The following ALMS1 variants were observed in gnomAD, a reference collection of about 807,000 sequenced individuals.
ALMS1 encodes the protein ALMS1 centrosome and basal body associated protein, also known as centrosome-associated protein ALMS1.
Under a neutral mutation model 352.2 loss-of-function variants are expected in ALMS1, and 271 were observed. The observed-to-expected ratio is 0.77, with a 90% confidence interval of 0.70 to 0.85. The LOEUF is 0.85. Among genes scored for constraint, ALMS1 ranks in the 40% least tolerant of loss-of-function variants. ALMS1 has a pLI of 0.00. For synonymous variants in ALMS1, 1,865 were observed against 1,761.2 expected (o/e 1.06, Z -1.48); for missense variants, 5,445 against 4,870.7 (o/e 1.12, Z -3.51).
rs1279158289 is a variant in ALMS1, at chr2:73,450,487, T to C, written c.3960T>C (p.Ala1320=). The change falls in exon 8 of 23, where the codon GCT becomes GCC. Residue 1320 remains alanine (A), a synonymous_variant. Transcript: ENST00000613296. ...AKNVSAVPGP[A]DQKTVIPILP... ...ATGTTTCAGCGGTTCCTGGACCAGC[T>C]GACCAGAAGACTGTGATACCAATTT... The C allele has an allele frequency of 6.2e-7, 1 of 1,613,496 alleles. No homozygotes were observed. Among genetic ancestry groups the C allele is most frequent in the South Asian group, 1.1e-5 (1 of 91,050 alleles).
At chr2:73,548,996 G>T (rs1674374996) in intron 12 of ALMS1, among the ~76,000 whole-genome samples, 1 of 152,170 alleles carries the variant, frequency 6.6e-6, no homozygotes. Context: ...GGCCCAGAAG[G>T]CTTGGTGTTT....
chr2:73,529,082 C>T (rs1477986748), intron 11 of ALMS1, among the ~76,000 whole-genome samples: 16 of 120,448 alleles, frequency 1.3e-4, no homozygotes, highest in African/African-American at 4.5e-4. Flanking sequence ...CTTGCTCTGT[C>T]GCTGAGGATG....
rs1347176614 is a variant in ALMS1 at position 73,448,152 on chromosome 2, T to A, written c.1625T>A (p.Leu542Ter). 3 of 1,614,038 alleles carry A rather than the reference T, an allele frequency of 1.9e-6. No individual in the cohort carries two copies. Among genetic ancestry groups the A allele is most frequent in the Non-Finnish European group, 2.5e-6 (3 of 1,179,934 alleles). Residue 542 changes from leucine (L) to a stop codon, truncating the protein, a stop_gained, in exon 8 of 23, where the codon TTA (leucine) becomes TAA (stop). Coordinates refer to ENST00000613296, the MANE Select transcript of ALMS1 (RefSeq NM_001378454.1). LOFTEE classifies it high-confidence loss of function. Reference protein sequence around the residue: ...QHTDTLNQKTLADTHLTEETL... With the variant: ...QHTDTLNQKT Reference sequence around the variant, plus strand: ...ACTGATACTCTCAACCAAAAGACATTAGCAGATACTCATCTAACTGAAGAG... The same window carrying A: ...ACTGATACTCTCAACCAAAAGACATAAGCAGATACTCATCTAACTGAAGAG...
In ALMS1 at chr2:73,426,462, A is replaced by G. The variant is rs777072028; in HGVS notation, c.1247A>G (p.Gln416Arg). Reference sequence around the variant, plus strand: ...GACTCCTATTTTGTAGAGGGCCTGCAGGGGAAGGTTGAGTCTGACGTCATT... The same window carrying G: ...GACTCCTATTTTGTAGAGGGCCTGCGGGGGAAGGTTGAGTCTGACGTCATT... ...QAETYLTKGL[Q>R]GKVESDVITL... The change falls in exon 6 of 23, where the codon CAG (glutamine) becomes CGG (arginine). Residue 416 changes from glutamine (Q) to arginine (R), a missense_variant. Coordinates refer to ENST00000613296, the MANE Select transcript of ALMS1 (RefSeq NM_001378454.1). 4.3e-6 allele frequency: 7 copies of G among 1,614,074 alleles called. No homozygotes were observed. Among genetic ancestry groups the G allele is most frequent in the Non-Finnish European group, 5.9e-6 (7 of 1,179,926 alleles).
rs1325739190 is a variant in ALMS1 at position 73,448,793 on chromosome 2, A to G, written c.2266A>G (p.Ile756Val). 1 of 1,614,074 alleles carries G rather than the reference A, an allele frequency of 6.2e-7. No homozygotes were observed. Among genetic ancestry groups the G allele is most frequent in the East Asian group, 2.2e-5 (1 of 44,876 alleles). ...TPGPADQKTEIPAVQSSSYSQ... is the reference protein window; with the variant it reads ...TPGPADQKTEVPAVQSSSYSQ... ...TGGACCAGCTGACCAGAAGACTGAGATACCAGCAGTACAGTCTAGTTCTTA... is the reference window on the plus strand; with the variant it reads ...TGGACCAGCTGACCAGAAGACTGAGGTACCAGCAGTACAGTCTAGTTCTTA... Residue 756 changes from isoleucine (I) to valine (V), a missense_variant, in exon 8 of 23, where the codon ATA becomes GTA. Coordinates refer to ENST00000613296, the MANE Select transcript of ALMS1 (RefSeq NM_001378454.1).
intron 16 of ALMS1, among the ~76,000 whole-genome samples, chr2:73,595,840 A>G (rs1296890504): frequency 6.6e-6 from 1 of 152,176 alleles, no homozygotes; most frequent in East Asian, 1.9e-4. Context: ...GTGGGTGTGA[A>G]GTGGTATCTT....
intron 16 of ALMS1, among the ~76,000 whole-genome samples, chr2:73,594,177 A>C (rs1445489820): frequency 2.0e-5 from 3 of 152,222 alleles, no homozygotes; most frequent in Non-Finnish European, 4.4e-5. Context: ...GCACCATTTT[A>C]CATTCCCACC....
intron 9 of ALMS1, among the ~76,000 whole-genome samples, chr2:73,474,203 A>T (rs558435147): frequency 1.1e-3 from 161 of 152,178 alleles, no homozygotes; most frequent in Admixed American, 1.6e-3. Flanking sequence ...TTACAAAGTT[A>T]TTCCTGCCGT....
chr2:73,561,271 G>C (rs1674656651), intron 15 of ALMS1, among the ~76,000 whole-genome samples: 1 of 152,162 alleles, frequency 6.6e-6, no homozygotes, highest in Non-Finnish European at 1.5e-5. Context: ...GAAGTCACTA[G>C]TTACAGAGAA....
chr2:73,398,275 A>G (rs1670804217), intron 1 of ALMS1, among the ~76,000 whole-genome samples: 1 of 152,160 alleles, frequency 6.6e-6, no homozygotes, highest in Non-Finnish European at 1.5e-5. Context: ...TTTTTTGGTC[A>G]AAAAATCAAT....
rs1430587571 is a variant in ALMS1 at position 73,599,541 on chromosome 2, CT to C, written c.11668+25del. 1.9e-6 allele frequency: 3 copies of C among 1,611,390 alleles called. No individual in the cohort carries two copies. Among genetic ancestry groups the C allele is most frequent in the African/African-American group, 2.7e-5 (2 of 74,848 alleles). On this transcript the variant is annotated intron_variant, in intron 17 of 22. Transcript: ENST00000613296. ...AAGCAGGTAATTACTTGAATCTAAA[CT>C]TTTTCATTGAAATACATTGAAATGG...
chr2:73,546,829 T>C (rs1674331997), intron 12 of ALMS1, among the ~76,000 whole-genome samples: 1 of 152,152 alleles, frequency 6.6e-6, no homozygotes, highest in Non-Finnish European at 1.5e-5. Context: ...TTCCAACAAA[T>C]TTAAAGATCT....
chr2:73,453,694 G>C lies in ALMS1; in HGVS notation c.7167G>C (p.Arg2389Ser). The C allele has an allele frequency of 6.2e-7, 1 of 1,614,096 alleles. No individual in the cohort carries two copies. The highest frequency in any genetic ancestry group is 1.3e-5 in the African/African-American group (1 of 75,020). Residue 2389 changes from arginine (R) to serine (S), a missense_variant, in exon 8 of 23, where the codon AGG becomes AGC. Arg to Ser is a moderately radical substitution (Grantham distance 110, BLOSUM62 -1). Coordinates refer to ENST00000613296, the MANE Select transcript of ALMS1 (RefSeq NM_001378454.1). The stretch of plus-strand genomic sequence containing the variant: ...ATCAAGCAGCCAAATCTGTAATGAG[G>C]TCTGAACCTGAAGGGTGTAGTGGAA... Reference protein sequence around the residue: ...RQYQAAKSVMRSEPEGCSGTI... With the variant: ...RQYQAAKSVMSSEPEGCSGTI...
Position 73,572,649 on chromosome 2 carries a change from C to T in ALMS1, c.10772C>T (p.Thr3591Ile), listed in dbSNP as rs773091397. 2 of 1,613,044 alleles carry T rather than the reference C, an allele frequency of 1.2e-6. No individual in the cohort carries two copies. Among genetic ancestry groups the T allele is most frequent in the Admixed American group, 1.7e-5 (1 of 59,982 alleles). ...QRDQKVTPEQ[T>I]TQHTVSLNEL... is the part of the protein sequence containing the mutation. ...GATCAGAAGGTCACCCCAGAGCAAACAACTCAGCACACTGTGAGTTTGAAT... is the reference window on the plus strand; with the variant it reads ...GATCAGAAGGTCACCCCAGAGCAAATAACTCAGCACACTGTGAGTTTGAAT... Residue 3591 changes from threonine (T) to isoleucine (I), a missense_variant, in exon 16 of 23, where the codon ACA (threonine) becomes ATA (isoleucine). Coordinates refer to ENST00000613296, the MANE Select transcript of ALMS1 (RefSeq NM_001378454.1).
At chr2:73,566,785 A>G (rs1241976355) in intron 15 of ALMS1, among the ~76,000 whole-genome samples, 1 of 152,186 alleles carries the variant, frequency 6.6e-6, no homozygotes, top group East Asian at 1.9e-4. Context: ...CTTCTGACCA[A>G]CTAGCTCCAA....
chr2:73,437,440 A>G (rs1379706920), intron 7 of ALMS1, among the ~76,000 whole-genome samples: 1 of 151,980 alleles, frequency 6.6e-6, no homozygotes, highest in Non-Finnish European at 1.5e-5. Context: ...TAAATCTTCC[A>G]CTCTATAAGT....
intron 1 of ALMS1, among the ~76,000 whole-genome samples, chr2:73,394,851 C>T (rs937135988): frequency 1.3e-5 from 2 of 151,946 alleles, no homozygotes; most frequent in African/African-American, 4.8e-5. Context: ...AGGCTACAAA[C>T]CTGTACAGCA....
chr2:73,455,163 C>T lies in ALMS1; in HGVS notation c.7542C>T (p.Ala2514=). ...EEEESRVRAH[A]WNMKFNLAHD... The stretch of plus-strand genomic sequence containing the variant: ...CTCAAGTGTATGCTTTCTCTCCAGC[C>T]TGGAATATGAAGTTCAATTTAGCAC... Residue 2514 remains alanine (A), a splice_region_variant and synonymous_variant, in exon 9 of 23, where the codon GCC becomes GCT. Coordinates refer to ENST00000613296, the MANE Select transcript of ALMS1 (RefSeq NM_001378454.1). The T allele has an allele frequency of 6.2e-7, 1 of 1,613,182 alleles. No homozygotes were observed. The highest frequency in any genetic ancestry group is 1.1e-5 in the South Asian group (1 of 90,658).
intron 15 of ALMS1, among the ~76,000 whole-genome samples, chr2:73,571,679 T>A (rs1048028762): frequency 2.0e-5 from 3 of 151,590 alleles, no homozygotes; most frequent in African/African-American, 7.3e-5. Context: ...TGTCAAAAAA[T>A]GAAGATAGAA....
Sources: allele counts gnomAD v4.1 joint callset (sites outside exome capture counted in the v4.1 genomes callset), GRCh38; gene constraint gnomAD v4.1.1; transcripts MANE v1.5; gene names NCBI Gene and HGNC (gene_info 2026-07-23, HGNC 2026-07-21).